Variants in SLC1A5 observed in about 807,000 individuals in gnomAD.
SLC1A5 encodes the protein solute carrier family 1 member 5.
Under a neutral mutation model 34.9 loss-of-function variants are expected in SLC1A5, and 25 were observed. The observed-to-expected ratio is 0.72, with a 90% CI of 0.52 to 1.00. SLC1A5 has a LOEUF of 1.00. Among genes scored for constraint, SLC1A5 ranks in the 50% least tolerant of loss-of-function variants. SLC1A5 has a pLI of 0.00. For synonymous variants in SLC1A5, 351 were observed against 341.2 expected, an observed-to-expected ratio of 1.03 and a Z score of -0.32; for missense variants, 637 against 740.0, an observed-to-expected ratio of 0.86 and a Z score of 1.61.
rs1212920934 is a variant in SLC1A5 at position 46,784,677 on chromosome 19, G to A, written c.567-118C>T. 5 of 1,601,748 alleles carry A rather than the reference G, an allele frequency of 3.1e-6. No individual in the cohort carries two copies. The South Asian group carries it at 3.3e-5, about 11-fold the overall frequency. On this transcript the variant is annotated intron_variant, in intron 1 of 7. Transcript: ENST00000542575. ...GGAAGCTTTGGGGGCCCGCCTGCAC[G>A]CAAATACAGCCCCTACTCATGCCTC...
At chr19:46,782,346 A>ACCCCCCCCCCCCCCCCCCCCCACAAC in intron 4 of SLC1A5, 37 bp downstream of exon 4, 1 of 567,986 alleles carries the variant, frequency 1.8e-6, no homozygotes. Context: ...CGACCCTCCA[A>ACCCCCCCCCCCCCCCCCCCCCACAAC]CCCCACCCAC....
intron 4 of SLC1A5, among the ~76,000 whole-genome samples, chr19:46,780,731 G>C (rs957673398): frequency 1.3e-5 from 2 of 151,922 alleles, no homozygotes; most frequent in Non-Finnish European, 2.9e-5. Flanking sequence ...AGCACTTTGG[G>C]AGGCCGAAGA....
chr19:46,782,608 G>T lies in SLC1A5; in HGVS notation c.658-59C>A, dbSNP rs2055156243. 2.5e-6 allele frequency: 4 copies of T among 1,592,464 alleles called. No individual in the cohort carries two copies. The South Asian group carries it at 4.5e-5, about 18-fold the overall frequency. On this transcript the variant is annotated intron_variant, in intron 3 of 7. Transcript: ENST00000542575. ...CACTCAGTCTACCTGCACAGTCACTGAGGGCCTGTCCTTGGCACCACTGGG... is the reference window on the plus strand; with the variant it reads ...CACTCAGTCTACCTGCACAGTCACTTAGGGCCTGTCCTTGGCACCACTGGG...
chr19:46,776,788 A>G (rs2055093544), intron 7 of SLC1A5, 187 bp downstream of exon 7: 3 of 612,796 alleles, frequency 4.9e-6, no homozygotes, highest in Non-Finnish European at 8.4e-6. Flanking sequence ...CTTTTCTGAC[A>G]TCCCTCTTAG....
intron 4 of SLC1A5, among the ~76,000 whole-genome samples, chr19:46,781,152 A>G (rs942947015): frequency 6.6e-6 from 1 of 152,236 alleles, no homozygotes; most frequent in Non-Finnish European, 1.5e-5. Flanking sequence ...ACAACACCCA[A>G]TAGATTCCTC....
chr19:46,787,347 A>T lies in SLC1A5; in HGVS notation c.566+53T>A. 3.2e-6 allele frequency: 5 copies of T among 1,549,448 alleles called. No homozygotes were observed. Among genetic ancestry groups the T allele is most frequent in the Non-Finnish European group, 3.5e-6 (4 of 1,147,208 alleles). On this transcript the variant is annotated intron_variant, in intron 1 of 7. Transcript: ENST00000542575. This position sits in a 1 kb window ranked among gnomAD's most constrained non-coding sequence, Gnocchi z 5.2. ...AAAGCCCCGTCCTGTCCACGTGACCACTCCCGCCATCCGTAACACTCTTCC... is the reference window on the plus strand; with the variant it reads ...AAAGCCCCGTCCTGTCCACGTGACCTCTCCCGCCATCCGTAACACTCTTCC...
rs757859365 is a variant in SLC1A5, at chr19:46,782,557, CAAGGAACAGATCGGGGTGGA to C, written c.658-28_658-9del. On this transcript the variant is annotated splice_polypyrimidine_tract_variant and intron_variant, in intron 3 of 7. Coordinates refer to ENST00000542575, the MANE Select transcript of SLC1A5 (RefSeq NM_005628.3). ...CTCCTGCCCCACGGGCACCTGTGGG[CAAGGAACAGATCGGGGTGGA>C]AAGGACACTCAGTCTACCTGCACAG... 8 of 1,613,790 alleles carry C rather than the reference CAAGGAACAGATCGGGGTGGA, an allele frequency of 5.0e-6. No individual in the cohort carries two copies. In the African/African-American group the frequency reaches 1.1e-4, roughly 22 times the overall value.
intron 4 of SLC1A5, among the ~76,000 whole-genome samples, 174 bp downstream of exon 4, chr19:46,782,209 T>C (rs892550860): frequency 6.6e-6 from 1 of 152,100 alleles, no homozygotes; most frequent in Non-Finnish European, 1.5e-5. Flanking sequence ...GAAAATCACT[T>C]GCCTAAAATC....
intron 7 of SLC1A5, among the ~76,000 whole-genome samples, chr19:46,776,280 A>G (rs554644435): frequency 3.4e-5 from 5 of 147,274 alleles, no homozygotes; most frequent in African/African-American, 1.3e-4. Context: ...GGCTCACTGC[A>G]ACCTCCACCT....
intron 1 of SLC1A5, among the ~76,000 whole-genome samples, chr19:46,786,813 C>G (rs1049638413): frequency 1.8e-4 from 28 of 152,106 alleles, no homozygotes; most frequent in Non-Finnish European, 3.5e-4. Context: ...GAGGGAAAGG[C>G]AGGGGTGGCA....
chr19:46,787,948 A>G lies in SLC1A5; in HGVS notation c.18T>C (p.Pro6=). ...CCGCTGCGAGCCCCTTGGAGTCTCG[A>G]GGAGGATCGGCCACCATGATGGGAA... The part of the protein sequence containing the change: MVADP[P]RDSKGLAAAE... Residue 6 remains proline, a synonymous_variant, in exon 1 of 8, where the codon CCT becomes CCC. Coordinates refer to ENST00000542575, the MANE Select transcript of SLC1A5 (RefSeq NM_005628.3). This position sits in a 1 kb window ranked among gnomAD's most constrained non-coding sequence, Gnocchi z 5.2. 6.4e-7 allele frequency: 1 copy of G among 1,568,778 alleles called. No homozygotes were observed. The highest frequency in any genetic ancestry group is 8.6e-7 in the Non-Finnish European group (1 of 1,159,956).
chr19:46,776,345 A>G (rs1217046821), intron 7 of SLC1A5, among the ~76,000 whole-genome samples: 1 of 151,678 alleles, frequency 6.6e-6, no homozygotes, highest in Admixed American at 6.6e-5. Flanking sequence ...AGATCACAGG[A>G]CAGGCGTACA....
chr19:46,776,877 C>CTTCCTCTT, intron 7 of SLC1A5, 98 bp downstream of exon 7: 1 of 1,317,400 alleles, frequency 7.6e-7, no homozygotes, highest in East Asian at 2.3e-5. Flanking sequence ...TCCTTCTTCT[C>CTTCCTCTT]TTCCTCTTCT....
rs1484540409 is a variant in SLC1A5, at chr19:46,787,688, C to T, written c.278G>A (p.Gly93Asp). Residue 93 changes from glycine to aspartate, a missense_variant, in exon 1 of 8, where the codon GGC becomes GAC. Transcript: ENST00000542575. The surrounding 1 kb of genome is among the most constrained non-coding windows in gnomAD (Gnocchi z 5.2). ...PERLSAFVFP[G>D]ELLLRLLRMI... ...CCGCAGCAGACGCAGCAGCAGCTCGCCCGGGAAGACGAAGGCGCTCAAGCG... is the reference window on the plus strand; with the variant it reads ...CCGCAGCAGACGCAGCAGCAGCTCGTCCGGGAAGACGAAGGCGCTCAAGCG... 1 of 1,590,680 alleles carries T rather than the reference C, an allele frequency of 6.3e-7. No homozygotes were observed. Among genetic ancestry groups the T allele is most frequent in the Admixed American group, 1.7e-5 (1 of 57,780 alleles).
Position 46,782,492 on chromosome 19 carries a change from T to C in SLC1A5, c.715A>G (p.Ile239Val), listed in dbSNP as rs771740095. 3 of 1,613,872 alleles carry C rather than the reference T, an allele frequency of 1.9e-6. No homozygotes were observed. The highest frequency in any genetic ancestry group is 2.5e-6 in the Non-Finnish European group (3 of 1,180,014). The change falls in exon 4 of 8, where the codon ATC becomes GTC. Residue 239 changes from isoleucine to valine, a missense_variant. Physicochemically the swap from Ile to Val is conservative, Grantham distance 29. Transcript: ENST00000542575. ...TTCCGCAGCGCCACACCAAAGACGA[T>C]GGCAAACACTACCAAGCCCAGGATG... Reference protein sequence around the residue: ...MNILGLVVFAIVFGVALRKLG... With the variant: ...MNILGLVVFAVVFGVALRKLG...
At chr19:46,777,574 C>T (rs984446617) in intron 5 of SLC1A5, among the ~76,000 whole-genome samples, 169 bp from the exon 6 acceptor site, 2 of 150,214 alleles carry the variant, frequency 1.3e-5, no homozygotes, top group African/African-American at 4.9e-5. Flanking sequence ...AGCCCTGTCA[C>T]CCAACCACCC....
rs778244393 is a variant in SLC1A5, at chr19:46,784,111, C to T, written c.643G>A (p.Gly215Arg). 7 of 1,613,206 alleles carry T rather than the reference C, an allele frequency of 4.3e-6. No homozygotes were observed. The highest frequency in any genetic ancestry group is 5.1e-6 in the Non-Finnish European group (6 of 1,179,296). ...STTYEERNIT[G>R]TRVKVPVGQE... ...ACTGCTCTCACCTTCACCCTGGTTC[C>T]GGTGATATTCCTCTCTTCATAGGTG... The change falls in exon 3 of 8, where the codon GGA (glycine) becomes AGA (arginine). Residue 215 changes from glycine (G) to arginine (R), a missense_variant. Transcript: ENST00000542575.
chr19:46,780,299 G>C (rs1450972344), intron 4 of SLC1A5, among the ~76,000 whole-genome samples: 1 of 151,916 alleles, frequency 6.6e-6, no homozygotes, highest in Admixed American at 6.6e-5. Flanking sequence ...ATGCCACACT[G>C]CACTCCAACC....
chr19:46,779,424 CAAAA>C (rs761721702), intron 4 of SLC1A5, among the ~76,000 whole-genome samples: 1 of 64,554 alleles, frequency 1.5e-5, no homozygotes, highest in Admixed American at 1.9e-4. Flanking sequence ...AACTCCATCT[CAAAA>C]AAAAAAAAAA....
Sources: gnomAD v4.1 joint callset for allele counts (sites outside exome capture counted in the v4.1 genomes callset) on GRCh38, gnomAD v4.1.1 for gene constraint, Gnocchi (gnomAD v3.1) non-coding constraint, MANE v1.5 for transcripts, NCBI Gene and HGNC (gene_info 2026-07-23, HGNC 2026-07-21) for gene names.